The following CDK19 variants were observed in gnomAD, a reference collection of about 807,000 sequenced individuals.
CDK19 encodes the protein cyclin-dependent kinase 19.
Under a neutral mutation model 68.3 loss-of-function variants are expected in CDK19, and 20 were observed. That is an observed-to-expected ratio of 0.29 (90% confidence interval 0.21 to 0.43). CDK19 has a LOEUF of 0.43. Ranked by LOEUF, CDK19 falls within the 20% of genes least tolerant of loss-of-function variation. CDK19 has a pLI of 1.00. For missense variants in CDK19, 339 were observed against 623.5 expected, an observed-to-expected ratio of 0.54 and a Z score of 4.86; for synonymous variants, 221 against 222.8, an observed-to-expected ratio of 0.99 and a Z score of 0.07.
At chr6:110,786,046 T>C (rs192674749) in intron 1 of CDK19, among the ~76,000 whole-genome samples, 1 of 152,320 alleles carries the variant, frequency 6.6e-6, no homozygotes, top group Non-Finnish European at 1.5e-5. Context: ...TTTTTTGCTT[T>C]TTCATTTCTC....
At chr6:110,796,547 G>T (rs1781948652) in intron 1 of CDK19, among the ~76,000 whole-genome samples, 1 of 151,954 alleles carries the variant, frequency 6.6e-6, no homozygotes. Flanking sequence ...TACTCGGAAG[G>T]CTAAAATCAG....
intron 2 of CDK19, among the ~76,000 whole-genome samples, chr6:110,702,463 T>G (rs1380115508): frequency 6.7e-6 from 1 of 150,078 alleles, no homozygotes; most frequent in Non-Finnish European, 1.5e-5. Flanking sequence ...AAAAAAAAAT[T>G]AAAATTAAAA....
At chr6:110,810,274 G>A (rs1782984744) in intron 1 of CDK19, among the ~76,000 whole-genome samples, 1 of 152,174 alleles carries the variant, frequency 6.6e-6, no homozygotes, top group Non-Finnish European at 1.5e-5. Flanking sequence ...GGAGAGAAGA[G>A]AAAGAGATGA....
chr6:110,802,383 G>C (rs1023050176), intron 1 of CDK19, among the ~76,000 whole-genome samples: 1 of 152,070 alleles, frequency 6.6e-6, no homozygotes, highest in Non-Finnish European at 1.5e-5. Flanking sequence ...CAGCAACATG[G>C]GTTGGGCTGG....
chr6:110,626,651 T>C (rs1013644577), intron 8 of CDK19, 125 bp downstream of exon 8: 21 of 596,120 alleles, frequency 3.5e-5, no homozygotes, highest in African/African-American at 3.0e-4. Flanking sequence ...TGCCAGTGCC[T>C]TGACCTTGGA....
At chr6:110,799,676 C>T (rs941196662) in intron 1 of CDK19, among the ~76,000 whole-genome samples, 1 of 152,076 alleles carries the variant, frequency 6.6e-6, no homozygotes, top group African/African-American at 2.4e-5. Flanking sequence ...CGGCTCACTG[C>T]AGCCTCAACC....
chr6:110,755,987 C>T (rs577391455), intron 1 of CDK19, among the ~76,000 whole-genome samples: 25 of 152,236 alleles, frequency 1.6e-4, no homozygotes, highest in Admixed American at 7.9e-4. Context: ...TGGCCAGATG[C>T]GGTGGCTCAT....
At chr6:110,629,950 GAA>G (rs1779337946) in intron 6 of CDK19, among the ~76,000 whole-genome samples, 1 of 151,988 alleles carries the variant, frequency 6.6e-6, no homozygotes, top group African/African-American at 2.4e-5. Flanking sequence ...TTACCCTGAG[GAA>G]ATAAGAAGTA....
At chr6:110,751,889 CAT>C (rs1778496737) in intron 1 of CDK19, among the ~76,000 whole-genome samples, 1 of 151,620 alleles carries the variant, frequency 6.6e-6, no homozygotes, top group African/African-American at 2.4e-5. Context: ...TTCTTCAAAT[CAT>C]ATGACATCTG....
rs1030751854 is a variant in CDK19, at chr6:110,648,887, T to G, written c.457-10181A>C. Among the ~76,000 whole-genome samples, 3 of 152,164 alleles carry G rather than the reference T, an allele frequency of 2.0e-5. No homozygotes were observed. The East Asian group carries it at 5.8e-4, about 29-fold the overall frequency. ...TGCCCGCCGCCATACCCGGCTCATT[T>G]TTTGTATTTTTAGTAGAGACGGGGT... On this transcript the variant is annotated intron_variant, in intron 4 of 12. Coordinates refer to ENST00000368911, the MANE Select transcript of CDK19 (RefSeq NM_015076.5).
At chr6:110,706,293 T>TCAC (rs1774466524) in intron 2 of CDK19, 1 of 151,768 alleles carries the variant, frequency 6.6e-6, no homozygotes, top group African/African-American at 2.4e-5. Context: ...CCTCAGGTGA[T>TCAC]CCACCTGCCT....
intron 1 of CDK19, chr6:110,813,050 T>G (rs1359455903): frequency 1.3e-5 from 2 of 151,654 alleles, no homozygotes; most frequent in African/African-American, 2.4e-5. Flanking sequence ...TGAGAGGTTT[T>G]TTTTTTTTTT....
chr6:110,698,124 A>G (rs1331532575), intron 2 of CDK19, among the ~76,000 whole-genome samples: 1 of 152,206 alleles, frequency 6.6e-6, no homozygotes, highest in East Asian at 1.9e-4. Flanking sequence ...CATGACTAAA[A>G]GCCCAAAAGC....
At chr6:110,655,136 G>A (rs987639096) in intron 4 of CDK19, among the ~76,000 whole-genome samples, 2 of 152,030 alleles carry the variant, frequency 1.3e-5, no homozygotes, top group African/African-American at 4.8e-5. Flanking sequence ...GGGAGCCTGA[G>A]GTGGGTGGAT....
At chr6:110,777,293 C>T (rs1780472191) in intron 1 of CDK19, among the ~76,000 whole-genome samples, 1 of 151,860 alleles carries the variant, frequency 6.6e-6, no homozygotes, top group African/African-American at 2.4e-5. Flanking sequence ...TCAATATATC[C>T]GAATAACAAA....
At chr6:110,795,878 T>A (rs1187146278) in intron 1 of CDK19, among the ~76,000 whole-genome samples, 1 of 152,162 alleles carries the variant, frequency 6.6e-6, no homozygotes, top group Non-Finnish European at 1.5e-5. Flanking sequence ...ACTGATCATA[T>A]CTACAGTTAG....
At chr6:110,625,655 A>C (rs1374108237) in intron 8 of CDK19, among the ~76,000 whole-genome samples, 1 of 152,194 alleles carries the variant, frequency 6.6e-6, no homozygotes, top group Non-Finnish European at 1.5e-5. Flanking sequence ...AGTTATCCAC[A>C]TAATTGATGG....
intron 1 of CDK19, among the ~76,000 whole-genome samples, chr6:110,769,793 A>G (rs1396710554): frequency 2.0e-5 from 3 of 152,116 alleles, no homozygotes; most frequent in Admixed American, 1.3e-4. Flanking sequence ...CTATGTCTTG[A>G]TACAGATACT....
intron 12 of CDK19, among the ~76,000 whole-genome samples, chr6:110,617,706 A>ACACACACAC (rs1778423776): frequency 1.2e-5 from 1 of 85,922 alleles, no homozygotes; most frequent in African/African-American, 4.8e-5. Flanking sequence ...CACACACACA[A>ACACACACAC]ATTAGCCGGG....
Sources: gnomAD v4.1 joint callset for allele counts (sites outside exome capture counted in the v4.1 genomes callset) on GRCh38, gnomAD v4.1.1 for gene constraint, MANE v1.5 for transcripts, NCBI Gene and HGNC (gene_info 2026-07-23, HGNC 2026-07-21) for gene names.